CHRM3: variants seen among roughly 807,000 people sequenced by gnomAD.
CHRM3 encodes muscarinic acetylcholine receptor M3.
CHRM3 carries 11 observed loss-of-function variants against 41.8 expected under a neutral mutation model. The ratio of observed to expected loss-of-function variants is 0.26; its 90% confidence interval spans 0.17 to 0.44. The LOEUF (loss-of-function observed/expected upper bound fraction) is 0.44, where lower values mean the gene tolerates loss of function less well. Ranked by LOEUF, CHRM3 falls within the 20% of genes least tolerant of loss-of-function variation. The probability of loss-of-function intolerance (pLI) is 1.00; values close to 1 mark genes in which losing one functional copy is unlikely to be tolerated. For missense variants in CHRM3, 571 were observed against 745.4 expected (o/e 0.77, Z 2.72); for synonymous variants, 297 against 301.4 (o/e 0.99, Z 0.15).
chr1:239,425,596 T>A (rs1256855373), intron 1 of CHRM3, among the ~76,000 whole-genome samples: 1 of 152,156 alleles, frequency 6.6e-6, no homozygotes, highest in Non-Finnish European at 1.5e-5. Flanking sequence ...CTTTTGACAC[T>A]TGGTTCCTCA....
At chr1:239,666,186 G>C (rs1673778931) in intron 4 of CHRM3, among the ~76,000 whole-genome samples, 1 of 122,228 alleles carries the variant, frequency 8.2e-6, no homozygotes, top group African/African-American at 3.2e-5. Context: ...GTCTGTTGTT[G>C]CCTGACTTTT....
At chr1:239,896,234 T>C (rs1678995234) in intron 6 of CHRM3, among the ~76,000 whole-genome samples, 1 of 152,242 alleles carries the variant, frequency 6.6e-6, no homozygotes, top group Non-Finnish European at 1.5e-5. Context: ...CTCTCTTGAC[T>C]ACATGGCAGC....
At chr1:239,456,297 G>A (rs558441989) in intron 1 of CHRM3, among the ~76,000 whole-genome samples, 4 of 152,186 alleles carry the variant, frequency 2.6e-5, no homozygotes, top group East Asian at 1.9e-4. Context: ...AGCTGCGTTC[G>A]AGGTAAATGC....
intron 3 of CHRM3, among the ~76,000 whole-genome samples, chr1:239,592,385 G>C (rs965673964): frequency 2.3e-4 from 35 of 151,866 alleles, no homozygotes; most frequent in African/African-American, 8.5e-4. Context: ...AATTAATTTT[G>C]GTACATCTCC....
At position 239,828,003 on chromosome 1, in the gene CHRM3, T is replaced by C. The variant is rs1170105582; in HGVS notation, c.-20+625T>C. Among the ~76,000 whole-genome samples, 3 of 152,238 alleles carry C rather than the reference T, an allele frequency of 2.0e-5. No homozygotes were observed. In the East Asian group the frequency reaches 5.8e-4, roughly 29 times the overall value. On this transcript the variant is annotated intron_variant, in intron 6 of 6. Coordinates refer to ENST00000676153, the MANE Select transcript of CHRM3 (RefSeq NM_001375978.1). Reference sequence around the variant, plus strand: ...TGTTTCAGATATCTGTTATCATAAATTATTCATTCCTCATTCAACACATAT... The same window carrying C: ...TGTTTCAGATATCTGTTATCATAAACTATTCATTCCTCATTCAACACATAT...
rs559203345 is a variant in CHRM3, at chr1:239,547,960, A to G, written c.-313+2211A>G. Reference sequence around the variant, plus strand: ...TTATTTTGAATTTTGGACTGTCACCATGTTTAAAATGACTTTTTTTTTTCA... The same window carrying G: ...TTATTTTGAATTTTGGACTGTCACCGTGTTTAAAATGACTTTTTTTTTTCA... On this transcript the variant is annotated intron_variant, in intron 3 of 6. Transcript: ENST00000676153. Among the ~76,000 whole-genome samples, 3 of 152,282 alleles carry G rather than the reference A, an allele frequency of 2.0e-5. No individual in the cohort carries two copies. In the East Asian group the frequency reaches 5.8e-4, roughly 29 times the overall value.
At chr1:239,558,394 T>C (rs918339636) in intron 3 of CHRM3, among the ~76,000 whole-genome samples, 53 of 152,302 alleles carry the variant, frequency 3.5e-4, no homozygotes, top group African/African-American at 1.2e-3. Context: ...GATGGATAGA[T>C]TGCAAAAAGT....
At chr1:239,600,904 C>G (rs1423089222) in intron 3 of CHRM3, among the ~76,000 whole-genome samples, 1 of 151,936 alleles carries the variant, frequency 6.6e-6, no homozygotes, top group Non-Finnish European at 1.5e-5. Flanking sequence ...TAACATCAGT[C>G]TCTGAGCATA....
chr1:239,509,950 G>A (rs1039794300), intron 2 of CHRM3, among the ~76,000 whole-genome samples: 9 of 152,102 alleles, frequency 5.9e-5, no homozygotes, highest in Non-Finnish European at 7.3e-5. Flanking sequence ...TTAACCAGGC[G>A]TGGTGACATG....
intron 5 of CHRM3, among the ~76,000 whole-genome samples, chr1:239,737,785 A>T (rs1664509137): frequency 6.6e-6 from 1 of 152,168 alleles, no homozygotes; most frequent in South Asian, 2.1e-4. Context: ...CATCCTGCCT[A>T]GGAGACAATA....
chr1:239,425,300 T>A (rs1354459960), intron 1 of CHRM3, among the ~76,000 whole-genome samples: 4 of 152,174 alleles, frequency 2.6e-5, no homozygotes, highest in Non-Finnish European at 4.4e-5. Context: ...ACTCAATCAT[T>A]TATTCATTGA....
intron 5 of CHRM3, among the ~76,000 whole-genome samples, chr1:239,769,141 A>T (rs1389700163): frequency 6.6e-6 from 1 of 151,744 alleles, no homozygotes; most frequent in Admixed American, 6.6e-5. Flanking sequence ...TCTTTCATTC[A>T]ATTGTTCTAT....
intron 2 of CHRM3, among the ~76,000 whole-genome samples, chr1:239,513,529 C>T (rs1669062575): frequency 6.6e-6 from 1 of 152,066 alleles, no homozygotes; most frequent in African/African-American, 2.4e-5. Flanking sequence ...GATGAATATA[C>T]CTTTATCCGA....
intron 5 of CHRM3, among the ~76,000 whole-genome samples, chr1:239,761,394 T>C (rs1410424818): frequency 6.6e-6 from 1 of 152,208 alleles, no homozygotes. Context: ...TCTTTTTCTC[T>C]TTATGTGTTG....
chr1:239,463,197 C>A lies in CHRM3; in HGVS notation c.-520-29512C>A, dbSNP rs114686034. 7.2e-3 allele frequency among the ~76,000 whole-genome samples: 1,088 copies of A among 152,142 alleles called. 16 individuals carry two copies. The highest frequency in any genetic ancestry group is 0.022 in the African/African-American group (909 of 41,520). ...ATTATAGATACAGATAGAGTGAATA[C>A]ATGAATAAATAACCAGTGAGTATAT... On this transcript the variant is annotated intron_variant, in intron 1 of 6. Transcript: ENST00000676153.
intron 1 of CHRM3, among the ~76,000 whole-genome samples, chr1:239,489,165 G>A (rs1269147276): frequency 6.6e-6 from 1 of 152,190 alleles, no homozygotes; most frequent in East Asian, 1.9e-4. Flanking sequence ...TGTAATCCCA[G>A]CAGTTTGGGA....
Position 239,594,167 on chromosome 1 carries a change from C to T in CHRM3, c.-312-38057C>T, listed in dbSNP as rs528540725. Among the ~76,000 whole-genome samples, 27 of 152,224 alleles carry T rather than the reference C, an allele frequency of 1.8e-4. No individual in the cohort carries two copies. In the South Asian group the frequency reaches 5.6e-3, roughly 32 times the overall value. ...ACATTTGGAAATCAAAAGTGAAGTA[C>T]TTCATATTGACTTGTTTGATTTATC... is the stretch of plus-strand genomic sequence containing the variant. On this transcript the variant is annotated intron_variant, in intron 3 of 6. Transcript: ENST00000676153.
chr1:239,881,728 C>A (rs902946759), intron 6 of CHRM3, among the ~76,000 whole-genome samples: 9 of 152,088 alleles, frequency 5.9e-5, no homozygotes, highest in African/African-American at 1.7e-4. Flanking sequence ...AGGAAGAAAA[C>A]CTTGTCAGCA....
intron 4 of CHRM3, among the ~76,000 whole-genome samples, chr1:239,642,108 G>C (rs1671217324): frequency 9.2e-6 from 1 of 108,988 alleles, no homozygotes; most frequent in Non-Finnish European, 1.9e-5. Flanking sequence ...CTCTCTTCTG[G>C]CTTGTAGAGT....
Sources: gnomAD v4.1 joint callset for allele counts (sites outside exome capture counted in the v4.1 genomes callset) on GRCh38, gnomAD v4.1.1 for gene constraint, MANE v1.5 for transcripts, NCBI Gene and HGNC (gene_info 2026-07-23, HGNC 2026-07-21) for gene names.